The following ITGA8 variants were observed in gnomAD, a reference collection of about 807,000 sequenced individuals.
ITGA8 encodes integrin alpha-8.
In ITGA8, 91 loss-of-function variants were observed where a neutral mutation model predicts 142.3. The ratio of observed to expected loss-of-function variants is 0.64; its 90% CI spans 0.54 to 0.76. The LOEUF (loss-of-function observed/expected upper bound fraction) is 0.76, where lower values mean the gene tolerates loss of function less well. ITGA8 is among the 30% of genes least tolerant of loss of function. The pLI, the probability that ITGA8 is intolerant of heterozygous loss-of-function variation, is 0.00. For missense variants in ITGA8, 1,406 were observed against 1,327.7 expected, an observed-to-expected ratio of 1.06 and a Z score of -0.92; for synonymous variants, 505 against 485.2, an observed-to-expected ratio of 1.04 and a Z score of -0.54.
At chr10:15,644,291 A>C (rs1833926696) in intron 12 of ITGA8, 70 bp from the exon 13 acceptor site, 1 of 1,411,172 alleles carries the variant, frequency 7.1e-7, no homozygotes, top group South Asian at 1.4e-5. Flanking sequence ...TTTTAGAGAC[A>C]GGACCTTACT....
chr10:15,514,789 G>A lies in ITGA8; in HGVS notation c.*2369C>T, dbSNP rs1378625115. ...TTCTGCAATTCCCATAGGTAGCAGT[G>A]CCTGTGGGCAGGTGGAAGGTGCCCG... On this transcript the variant is annotated 3_prime_UTR_variant, in exon 30 of 30. Coordinates refer to ENST00000378076, the MANE Select transcript of ITGA8 (RefSeq NM_003638.3). 1.3e-5 allele frequency: 2 copies of A among 152,410 alleles called. No individual in the cohort carries two copies. Among genetic ancestry groups the A allele is most frequent in the East Asian group, 1.9e-4 (1 of 5,172 alleles). 9.4% of individuals were successfully genotyped at this position (152,410 alleles called of 1,614,324 possible).
chr10:15,650,201 C>T (rs1052347827), intron 11 of ITGA8, among the ~76,000 whole-genome samples: 6 of 152,124 alleles, frequency 3.9e-5, no homozygotes, highest in South Asian at 2.1e-4. Flanking sequence ...CTGTATGATT[C>T]CAACTGCATG....
rs954289843 is a variant in ITGA8, at chr10:15,516,626, C to A, written c.*532G>T. ...TTTTGTCCTTTCAAAAGTACTTTCACAGTACCAACAACATATTGCTTGTCT... is the reference window on the plus strand; with the variant it reads ...TTTTGTCCTTTCAAAAGTACTTTCAAAGTACCAACAACATATTGCTTGTCT... On this transcript the variant is annotated 3_prime_UTR_variant, in exon 30 of 30. Coordinates refer to ENST00000378076, the MANE Select transcript of ITGA8 (RefSeq NM_003638.3). 2 of 152,238 alleles carry A rather than the reference C, an allele frequency of 1.3e-5. No individual in the cohort carries two copies. Among genetic ancestry groups the A allele is most frequent in the Admixed American group, 1.3e-4 (2 of 15,284 alleles). The allele number at this position is 152,238 out of a possible 1,614,324, so 9.4% of individuals were successfully genotyped here.
chr10:15,634,869 A>G (rs1232877757), intron 13 of ITGA8, among the ~76,000 whole-genome samples: 3 of 152,110 alleles, frequency 2.0e-5, no homozygotes, highest in African/African-American at 7.2e-5. Context: ...TAAGATGTTT[A>G]TCATGAGGGG....
intron 21 of ITGA8, among the ~76,000 whole-genome samples, chr10:15,592,895 A>T (rs539510298): frequency 1.3e-5 from 2 of 152,294 alleles, no homozygotes; most frequent in Non-Finnish European, 2.9e-5. Context: ...CCTGGCCAGA[A>T]ATTGACTTAG....
At chr10:15,544,088 A>G (rs59690500) in intron 27 of ITGA8, among the ~76,000 whole-genome samples, 2 of 152,260 alleles carry the variant, frequency 1.3e-5, no homozygotes, top group South Asian at 2.1e-4. Context: ...GGAAGCCAGG[A>G]GTTTGAGACC....
chr10:15,617,645 C>T (rs193080261), intron 13 of ITGA8, among the ~76,000 whole-genome samples: 1,791 of 151,992 alleles, frequency 0.012, 13 homozygotes, highest in South Asian at 0.021. Flanking sequence ...ATGATCCACC[C>T]GCCTCGGCCT....
intron 27 of ITGA8, among the ~76,000 whole-genome samples, chr10:15,532,229 C>G (rs544608319): frequency 6.6e-6 from 1 of 151,934 alleles, no homozygotes; most frequent in South Asian, 2.1e-4. Context: ...ACCAGCCTGA[C>G]CAGGATGGTG....
At chr10:15,622,918 T>C (rs1833520226) in intron 13 of ITGA8, among the ~76,000 whole-genome samples, 1 of 152,192 alleles carries the variant, frequency 6.6e-6, no homozygotes. Context: ...AGATATATCA[T>C]TTTTTAACCT....
At chr10:15,658,115 A>G (rs888872144) in intron 10 of ITGA8, among the ~76,000 whole-genome samples, 3 of 152,210 alleles carry the variant, frequency 2.0e-5, no homozygotes, top group Admixed American at 1.3e-4. Flanking sequence ...GTAATCTACA[A>G]TCCTTGATTT....
At chr10:15,555,208 CTT>C (rs1397885580) in intron 26 of ITGA8, among the ~76,000 whole-genome samples, 4 of 152,176 alleles carry the variant, frequency 2.6e-5, no homozygotes, top group Admixed American at 6.5e-5. Flanking sequence ...CCAACACTAT[CTT>C]TTAAACGGCT....
intron 6 of ITGA8, among the ~76,000 whole-genome samples, chr10:15,673,835 G>A (rs1834575141): frequency 1.3e-5 from 2 of 148,860 alleles, no homozygotes; most frequent in South Asian, 4.1e-4. Context: ...TCTCTCAAAA[G>A]TCACTGTCAG....
intron 8 of ITGA8, among the ~76,000 whole-genome samples, chr10:15,665,445 A>T (rs538719686): frequency 7.9e-5 from 12 of 151,580 alleles, no homozygotes; most frequent in Non-Finnish European, 1.3e-4. Flanking sequence ...GGTTGCAAAA[A>T]TTTTTTCCCA....
At chr10:15,581,716 C>T (rs1256267299) in intron 23 of ITGA8, among the ~76,000 whole-genome samples, 1 of 152,162 alleles carries the variant, frequency 6.6e-6, no homozygotes, top group Non-Finnish European at 1.5e-5. Context: ...CAAAAAACTA[C>T]TGGAATTTAC....
At chr10:15,524,144 G>T (rs1307740069) in intron 28 of ITGA8, among the ~76,000 whole-genome samples, 4 of 152,156 alleles carry the variant, frequency 2.6e-5, no homozygotes, top group Non-Finnish European at 5.9e-5. Context: ...ACATCCATAT[G>T]GTACTGAGGC....
chr10:15,696,072 T>C (rs2131720537), intron 2 of ITGA8, among the ~76,000 whole-genome samples: 1 of 152,348 alleles, frequency 6.6e-6, no homozygotes, highest in African/African-American at 2.4e-5. Flanking sequence ...CCAAACCTGC[T>C]GACTGACATG....
At chr10:15,692,974 A>T (rs1032620313) in intron 2 of ITGA8, among the ~76,000 whole-genome samples, 1 of 152,202 alleles carries the variant, frequency 6.6e-6, no homozygotes, top group African/African-American at 2.4e-5. Flanking sequence ...AGTTTGAGAC[A>T]TGAGAATTAG....
Position 15,516,484 on chromosome 10 carries a change from G to A in ITGA8, c.*674C>T, listed in dbSNP as rs1832962608. 1 of 152,228 alleles carries A rather than the reference G, an allele frequency of 6.6e-6. No individual in the cohort carries two copies. Among genetic ancestry groups the A allele is most frequent in the South Asian group, 2.1e-4 (1 of 4,834 alleles). 9.4% of individuals were successfully genotyped at this position (152,228 alleles called of 1,614,324 possible). ...TGGTTCTTAGGAGGAAACTGAGTGA[G>A]TGATTTTGAAAACTAGCTAACCAAA... On this transcript the variant is annotated 3_prime_UTR_variant, in exon 30 of 30. Transcript: ENST00000378076.
At chr10:15,552,761 A>T (rs770137371) in intron 26 of ITGA8, among the ~76,000 whole-genome samples, 1 of 152,002 alleles carries the variant, frequency 6.6e-6, no homozygotes, top group Non-Finnish European at 1.5e-5. Context: ...TTCAACTCCC[A>T]CTTATGAGTG....
Sources: allele counts gnomAD v4.1 joint callset (sites outside exome capture counted in the v4.1 genomes callset), GRCh38; gene constraint gnomAD v4.1.1; transcripts MANE v1.5; gene names NCBI Gene and HGNC (gene_info 2026-07-23, HGNC 2026-07-21).